The following NUMB variants were observed in gnomAD, a reference collection of about 807,000 sequenced individuals.
NUMB encodes the protein NUMB endocytic adaptor protein.
A neutral mutation model predicts 59.7 loss-of-function variants in NUMB; 29 were observed. That is an observed-to-expected ratio of 0.49 (90% CI 0.36 to 0.66). NUMB has a LOEUF of 0.66. Among genes scored for constraint, NUMB ranks in the 30% least tolerant of loss-of-function variants. The pLI is 0.00. For missense variants in NUMB, 723 were observed against 822.0 expected (o/e 0.88, Z 1.47); for synonymous variants, 288 against 288.2 (o/e 1.00, Z 0.01).
intron 9 of NUMB, chr14:73,285,649 G>A (rs961031992): frequency 2.6e-5 from 4 of 152,072 alleles, no homozygotes; most frequent in African/African-American, 9.7e-5. Context: ...TTTAAGGTCA[G>A]GTGCGGTGGC....
At chr14:73,386,649 A>T (rs1256101058) in intron 2 of NUMB, among the ~76,000 whole-genome samples, 3 of 152,162 alleles carry the variant, frequency 2.0e-5, no homozygotes, top group Admixed American at 6.5e-5. Flanking sequence ...ACTACCAGGA[A>T]ATTCTGACAG....
chr14:73,395,813 C>G (rs1896103248), intron 2 of NUMB, among the ~76,000 whole-genome samples: 1 of 152,116 alleles, frequency 6.6e-6, no homozygotes, highest in African/African-American at 2.4e-5. Context: ...TGTGTCTCAA[C>G]TGTCCTCTTT....
At chr14:73,360,813 T>C (rs1464213117) in intron 3 of NUMB, among the ~76,000 whole-genome samples, 1 of 152,176 alleles carries the variant, frequency 6.6e-6, no homozygotes, top group Non-Finnish European at 1.5e-5. Context: ...AATTCTTTAT[T>C]ATACTACTCT....
chr14:73,437,860 C>CAGGG (rs2140180959), intron 1 of NUMB, among the ~76,000 whole-genome samples: 1 of 152,140 alleles, frequency 6.6e-6, no homozygotes, highest in African/African-American at 2.4e-5. Flanking sequence ...ACATAAGGAT[C>CAGGG]AGGGATCACC....
At chr14:73,319,566 TA>T (rs199911080) in intron 5 of NUMB, among the ~76,000 whole-genome samples, 8 of 151,828 alleles carry the variant, frequency 5.3e-5, no homozygotes, top group African/African-American at 1.9e-4. Context: ...TTATAATCTA[TA>T]AAAAAAACAA....
chr14:73,361,691 T>C (rs1186825600), intron 3 of NUMB, among the ~76,000 whole-genome samples: 3 of 151,998 alleles, frequency 2.0e-5, no homozygotes, highest in African/African-American at 7.2e-5. Flanking sequence ...CTCCCATCAA[T>C]TGTTAATTAA....
intron 2 of NUMB, among the ~76,000 whole-genome samples, chr14:73,404,042 G>A (rs572081338): frequency 1.7e-4 from 24 of 144,110 alleles, no homozygotes; most frequent in Admixed American, 8.6e-4. Context: ...GCAGTGAGCC[G>A]AAATCACCTG....
chr14:73,455,716 G>T (rs1328575127), intron 1 of NUMB, among the ~76,000 whole-genome samples: 2 of 152,042 alleles, frequency 1.3e-5, no homozygotes, highest in Non-Finnish European at 2.9e-5. Context: ...TCTCTAAAAA[G>T]GAAATATCTT....
intron 12 of NUMB, 26 bp downstream of exon 12, chr14:73,279,255 C>G (rs1888432551): frequency 6.2e-7 from 1 of 1,613,916 alleles, no homozygotes; most frequent in South Asian, 1.1e-5. Flanking sequence ...TCCCAGAATC[C>G]TCAACACCAT....
intron 2 of NUMB, among the ~76,000 whole-genome samples, chr14:73,367,346 T>TAGAGAGAGAGAGAG (rs1288750867): frequency 0.012 from 1,116 of 91,090 alleles, 2 homozygotes; most frequent in Non-Finnish European, 0.017. Context: ...TATATATATA[T>TAGAGAGAGAGAGAG]ATAGAGAGAG....
intron 2 of NUMB, among the ~76,000 whole-genome samples, chr14:73,401,077 G>T (rs905946767): frequency 4.6e-5 from 7 of 152,112 alleles, no homozygotes; most frequent in African/African-American, 1.7e-4. Context: ...TCAACCTGTG[G>T]GATCTGATTC....
Position 73,287,149 on chromosome 14 carries a change from T to C in NUMB, c.616A>G (p.Arg206Gly). ...TGCATTTGTTTCATGATCTCCTCTC[T>C]TTCTGCTTGTTCAGTGGCTGTTGTG... ...RVTTATEQAE[R>G]EEIMKQMQDA... The change falls in exon 9 of 13, where the codon AGA (arginine) becomes GGA (glycine). Residue 206 changes from arginine (R) to glycine (G), a missense_variant. Transcript: ENST00000555238. 1 of 1,614,006 alleles carries C rather than the reference T, an allele frequency of 6.2e-7. No homozygotes were observed. The highest frequency in any genetic ancestry group is 8.5e-7 in the Non-Finnish European group (1 of 1,180,014).
At position 73,276,752 on chromosome 14, in the gene NUMB, A is replaced by G. The variant is rs753228917; in HGVS notation, c.1782T>C (p.Asp594=). 2.5e-6 allele frequency: 4 copies of G among 1,613,918 alleles called. No individual in the cohort carries two copies. Among genetic ancestry groups the G allele is most frequent in the Non-Finnish European group, 3.4e-6 (4 of 1,179,964 alleles). ...GCCTGTCTGCTGAGGCCAACCTGCCATCATCTACACCATTGAAAGCTGCAG... is the reference window on the plus strand; with the variant it reads ...GCCTGTCTGCTGAGGCCAACCTGCCGTCATCTACACCATTGAAAGCTGCAG... ...NGSAAFNGVD[D]GRLASADRHT... Residue 594 remains aspartate, a synonymous_variant, in exon 13 of 13, where the codon GAT becomes GAC. Transcript: ENST00000555238.
chr14:73,424,997 C>T (rs539386022), intron 1 of NUMB, among the ~76,000 whole-genome samples: 1 of 152,278 alleles, frequency 6.6e-6, no homozygotes, highest in South Asian at 2.1e-4. Context: ...TCTTCTTTCT[C>T]CTAAAAGATC....
chr14:73,445,091 A>T (rs1883378492), intron 1 of NUMB, among the ~76,000 whole-genome samples: 1 of 152,044 alleles, frequency 6.6e-6, no homozygotes. Context: ...TATATTTCAT[A>T]ATTCAAAAGA....
At chr14:73,307,728 C>CT (rs34429117) in intron 6 of NUMB, among the ~76,000 whole-genome samples, 7,872 of 95,548 alleles carry the variant, frequency 0.082, 1,234 homozygotes, top group African/African-American at 0.29. Flanking sequence ...GGGCCTCTGT[C>CT]TTTTTTTTTT....
At chr14:73,449,333 G>C (rs1198466564) in intron 1 of NUMB, among the ~76,000 whole-genome samples, 3 of 151,928 alleles carry the variant, frequency 2.0e-5, no homozygotes, top group Non-Finnish European at 4.4e-5. Context: ...ACTGATACCT[G>C]TATTTGCATA....
At chr14:73,297,540 G>A (rs886079739) in intron 6 of NUMB, 15 of 303,592 alleles carry the variant, frequency 4.9e-5, no homozygotes, top group African/African-American at 2.6e-4. Flanking sequence ...GGAAGTAACA[G>A]ATGGAATAAA....
intron 4 of NUMB, among the ~76,000 whole-genome samples, chr14:73,345,783 C>A (rs1252606170): frequency 6.6e-6 from 1 of 151,944 alleles, no homozygotes; most frequent in Non-Finnish European, 1.5e-5. Flanking sequence ...TGGCAGGCAC[C>A]TGTAATCCCA....
Sources: gnomAD v4.1 joint callset for allele counts (sites outside exome capture counted in the v4.1 genomes callset) on GRCh38, gnomAD v4.1.1 for gene constraint, MANE v1.5 for transcripts, NCBI Gene and HGNC (gene_info 2026-07-23, HGNC 2026-07-21) for gene names.